CA10: variants seen among roughly 807,000 people sequenced by gnomAD.
CA10 encodes the protein carbonic anhydrase-related protein 10.
A neutral mutation model predicts 44.2 loss-of-function variants in CA10; 14 were observed. The ratio of observed to expected loss-of-function variants is 0.32; its 90% CI spans 0.21 to 0.50. CA10 has a LOEUF of 0.50. Among genes scored for constraint, CA10 ranks in the 20% least tolerant of loss-of-function variants. The pLI is 0.99. For missense variants in CA10, 350 were observed against 409.7 expected, an observed-to-expected ratio of 0.85 and a Z score of 1.26; for synonymous variants, 159 against 141.6, an observed-to-expected ratio of 1.12 and a Z score of -0.87.
intron 1 of CA10, among the ~76,000 whole-genome samples, chr17:52,120,137 A>G (rs1988981264): frequency 6.6e-6 from 1 of 152,224 alleles, no homozygotes; most frequent in East Asian, 1.9e-4. Context: ...GCCACCAGTT[A>G]TCTGTGTGTG....
At chr17:52,084,634 C>T (rs1368026553) in intron 1 of CA10, among the ~76,000 whole-genome samples, 1 of 151,836 alleles carries the variant, frequency 6.6e-6, no homozygotes, top group African/African-American at 2.4e-5. Flanking sequence ...ATTCCAGTTC[C>T]ATGCAAGCTT....
intron 3 of CA10, among the ~76,000 whole-genome samples, chr17:51,883,585 C>T (rs1326197814): frequency 6.6e-6 from 1 of 152,148 alleles, no homozygotes; most frequent in Non-Finnish European, 1.5e-5. Flanking sequence ...ATGAACAGCT[C>T]CTTCTGCCTG....
intron 2 of CA10, among the ~76,000 whole-genome samples, chr17:52,037,828 T>A (rs1986661040): frequency 6.6e-6 from 1 of 152,156 alleles, no homozygotes; most frequent in Non-Finnish European, 1.5e-5. Context: ...CCTTAACTTT[T>A]CCTAAAATAA....
chr17:51,704,724 G>A (rs1343348378), intron 4 of CA10, among the ~76,000 whole-genome samples: 1 of 152,198 alleles, frequency 6.6e-6, no homozygotes, highest in African/African-American at 2.4e-5. Flanking sequence ...AGCACTTTGG[G>A]AGGCGACAGT....
At chr17:52,045,130 A>T (rs957680696) in intron 2 of CA10, among the ~76,000 whole-genome samples, 1 of 151,906 alleles carries the variant, frequency 6.6e-6, no homozygotes, top group Admixed American at 6.5e-5. Flanking sequence ...ACTTACTTAA[A>T]ACTACGCAAA....
intron 1 of CA10, among the ~76,000 whole-genome samples, chr17:52,148,059 C>T (rs1011169001): frequency 6.6e-6 from 1 of 152,186 alleles, no homozygotes; most frequent in African/African-American, 2.4e-5. Context: ...TAGTCAGCTA[C>T]ACCACAATTC....
At chr17:51,726,284 C>T (rs1379480564) in intron 4 of CA10, among the ~76,000 whole-genome samples, 1 of 152,216 alleles carries the variant, frequency 6.6e-6, no homozygotes, top group East Asian at 1.9e-4. Flanking sequence ...CCTTGCTCTC[C>T]TTTTAAAATA....
At chr17:51,896,741 C>A (rs991598618) in intron 3 of CA10, among the ~76,000 whole-genome samples, 2 of 152,034 alleles carry the variant, frequency 1.3e-5, no homozygotes, top group Non-Finnish European at 2.9e-5. Flanking sequence ...ACCTCCCCAG[C>A]ATCTGTTACT....
chr17:51,728,673 T>A (rs1296392681), intron 4 of CA10, among the ~76,000 whole-genome samples: 1 of 152,186 alleles, frequency 6.6e-6, no homozygotes, highest in African/African-American at 2.4e-5. Context: ...CCTGGTGCAG[T>A]TAGCTTTGAT....
At chr17:51,641,290 T>C (rs766939987) in intron 6 of CA10, among the ~76,000 whole-genome samples, 6 of 152,206 alleles carry the variant, frequency 3.9e-5, no homozygotes, top group Non-Finnish European at 8.8e-5. Flanking sequence ...AGTGGTAGCT[T>C]TGCCAGCAAC....
rs557344437 is a variant in CA10, at chr17:51,646,558, C to A, written c.634+2624G>T. 3.3e-5 allele frequency among the ~76,000 whole-genome samples: 5 copies of A among 152,076 alleles called. No homozygotes were observed. The East Asian group carries it at 9.6e-4, about 29-fold the overall frequency. ...ACAGAAGCAGGATACCCTGATAGGG[C>A]CCCCTGAGTTTTCTTCATCTTAACC... On this transcript the variant is annotated intron_variant, in intron 6 of 8. Transcript: ENST00000451037.
intron 3 of CA10, among the ~76,000 whole-genome samples, chr17:51,893,994 T>C (rs1005107512): frequency 1.3e-5 from 2 of 152,090 alleles, no homozygotes; most frequent in East Asian, 1.9e-4. Context: ...CAACCTCATA[T>C]CCCATTAAAT....
At chr17:51,990,313 G>T (rs978173415) in intron 2 of CA10, among the ~76,000 whole-genome samples, 3 of 152,048 alleles carry the variant, frequency 2.0e-5, no homozygotes, top group Non-Finnish European at 4.4e-5. Context: ...TGGAAGCCAT[G>T]GTCAGAACAC....
At chr17:52,072,506 T>C (rs956335722) in intron 1 of CA10, 113 bp from the exon 2 acceptor site, 26 of 691,902 alleles carry the variant, frequency 3.8e-5, no homozygotes, top group Non-Finnish European at 3.7e-5. Context: ...TACCCCAAAG[T>C]CATACTACAA....
At chr17:51,854,687 A>G (rs1978959075) in intron 3 of CA10, among the ~76,000 whole-genome samples, 1 of 151,962 alleles carries the variant, frequency 6.6e-6, no homozygotes, top group South Asian at 2.1e-4. Flanking sequence ...AGAAGAGGGT[A>G]TATGGTACAA....
intron 3 of CA10, among the ~76,000 whole-genome samples, chr17:51,889,119 G>A (rs1980742452): frequency 6.6e-6 from 1 of 152,134 alleles, no homozygotes; most frequent in African/African-American, 2.4e-5. Flanking sequence ...CCACAAGTGG[G>A]CATTTCAAGA....
At chr17:51,895,779 T>C (rs758082127) in intron 3 of CA10, among the ~76,000 whole-genome samples, 23 of 152,122 alleles carry the variant, frequency 1.5e-4, no homozygotes, top group Non-Finnish European at 3.1e-4. Context: ...GAGATTGTTG[T>C]AGACACTGCT....
chr17:52,102,974 A>G (rs1027871507), intron 1 of CA10, among the ~76,000 whole-genome samples: 1 of 152,016 alleles, frequency 6.6e-6, no homozygotes, highest in Non-Finnish European at 1.5e-5. Context: ...GCTTTCATGT[A>G]TTAGATTTTT....
At chr17:51,932,872 TTATAAA>T (rs1164119539) in intron 2 of CA10, among the ~76,000 whole-genome samples, 11 of 149,458 alleles carry the variant, frequency 7.4e-5, no homozygotes, top group African/African-American at 2.0e-4. Context: ...TGCACTTATA[TTATAAA>T]TATAAACTTG....
Sources: gnomAD v4.1 joint callset for allele counts (sites outside exome capture counted in the v4.1 genomes callset) on GRCh38, gnomAD v4.1.1 for gene constraint, MANE v1.5 for transcripts, NCBI Gene and HGNC (gene_info 2026-07-23, HGNC 2026-07-21) for gene names.